The following COL24A1 variants were observed in gnomAD, a reference collection of about 807,000 sequenced individuals.
COL24A1 encodes collagen type XXIV alpha 1 chain.
Under a neutral mutation model 253.9 loss-of-function variants are expected in COL24A1, and 224 were observed. The observed-to-expected ratio is 0.88, with a 90% CI of 0.79 to 0.99. The LOEUF is 0.99. Ranked by LOEUF, COL24A1 falls within the 50% of genes least tolerant of loss-of-function variation. COL24A1 has a pLI of 0.00. For missense variants in COL24A1, 2,131 were observed against 2,068.5 expected, an observed-to-expected ratio of 1.03 and a Z score of -0.59; for synonymous variants, 685 against 673.7, an observed-to-expected ratio of 1.02 and a Z score of -0.26.
intron 37 of COL24A1, among the ~76,000 whole-genome samples, chr1:85,857,667 G>T (rs1678602104): frequency 6.6e-6 from 1 of 152,122 alleles, no homozygotes; most frequent in Non-Finnish European, 1.5e-5. Flanking sequence ...GAGTAAAAGA[G>T]AGAGGTCAAG....
chr1:85,895,983 A>C, intron 30 of COL24A1, 38 bp downstream of exon 30: 1 of 1,599,916 alleles, frequency 6.3e-7, no homozygotes, highest in Non-Finnish European at 8.5e-7. Context: ...AAAAGACTTA[A>C]AATGTTCATC....
chr1:86,051,815 T>C (rs1358444556), intron 10 of COL24A1, among the ~76,000 whole-genome samples: 2 of 152,122 alleles, frequency 1.3e-5, no homozygotes, highest in Non-Finnish European at 2.9e-5. Context: ...TAACCACTGA[T>C]AGAAATATGG....
intron 27 of COL24A1, among the ~76,000 whole-genome samples, chr1:85,908,308 C>T (rs1685035069): frequency 6.6e-6 from 1 of 151,678 alleles, no homozygotes; most frequent in Admixed American, 6.6e-5. Context: ...ATTGGTCTCA[C>T]TTCTAATCTT....
chr1:85,765,218 T>G (rs1004812008), intron 53 of COL24A1, among the ~76,000 whole-genome samples: 46 of 152,276 alleles, frequency 3.0e-4, no homozygotes, highest in Admixed American at 1.0e-3. Flanking sequence ...TCAAGAACTG[T>G]GAAGACATAT....
intron 48 of COL24A1, among the ~76,000 whole-genome samples, chr1:85,784,806 C>T (rs1054177159): frequency 2.0e-5 from 3 of 152,112 alleles, no homozygotes; most frequent in Non-Finnish European, 4.4e-5. Context: ...TCATGGCTTA[C>T]TGCAGCCTTA....
intron 59 of COL24A1, among the ~76,000 whole-genome samples, chr1:85,732,881 C>A (rs552633085): frequency 1.3e-5 from 2 of 152,186 alleles, no homozygotes; most frequent in East Asian, 3.9e-4. Context: ...ATATTATTAT[C>A]CCTATTATTA....
At chr1:85,817,591 T>A (rs2101935000) in intron 46 of COL24A1, among the ~76,000 whole-genome samples, 1 of 152,304 alleles carries the variant, frequency 6.6e-6, no homozygotes, top group South Asian at 2.1e-4. Context: ...TAAAAGTTAA[T>A]CTTTGTGATG....
rs775541179 is a variant in COL24A1 at position 85,842,374 on chromosome 1, C to T, written c.3482G>A (p.Gly1161Glu). Residue 1161 changes from glycine to glutamate, a missense_variant, in exon 40 of 60, where the codon GGA (glycine) becomes GAA (glutamate). Physicochemically the swap from Gly to Glu is moderately conservative, Grantham distance 98 (BLOSUM62 -2). Transcript: ENST00000370571. ...TGGAATTCCTGGTTCTCCATCAGGT[C>T]CCATCAATCCTAAATGTCCCTGAAA... ...RGAVGHLGLM[G>E]PDGEPGIPGY... is the part of the protein sequence containing the mutation. 8.7e-6 allele frequency: 14 copies of T among 1,600,644 alleles called. No homozygotes were observed. The highest frequency in any genetic ancestry group is 1.2e-5 in the Non-Finnish European group (14 of 1,172,564).
At chr1:85,981,547 A>C (rs1298904112) in intron 20 of COL24A1, among the ~76,000 whole-genome samples, 1 of 152,162 alleles carries the variant, frequency 6.6e-6, no homozygotes, top group African/African-American at 2.4e-5. Context: ...ATATTCTAGA[A>C]GATAACACTG....
chr1:85,762,290 T>C (rs954484115), intron 53 of COL24A1, among the ~76,000 whole-genome samples: 6 of 152,282 alleles, frequency 3.9e-5, no homozygotes, highest in East Asian at 1.9e-4. Flanking sequence ...TTGGATAATG[T>C]TGACACCATG....
At chr1:85,892,573 A>AT (rs1013727719) in intron 31 of COL24A1, among the ~76,000 whole-genome samples, 1 of 151,882 alleles carries the variant, frequency 6.6e-6, no homozygotes, top group Non-Finnish European at 1.5e-5. Flanking sequence ...AATGATAAAC[A>AT]TTTTTTCCCC....
intron 43 of COL24A1, among the ~76,000 whole-genome samples, chr1:85,836,174 C>G (rs1194285162): frequency 6.6e-6 from 1 of 152,114 alleles, no homozygotes; most frequent in Non-Finnish European, 1.5e-5. Context: ...TTCTTTGGAG[C>G]TTTATTTCTT....
At chr1:85,755,146 T>C (rs1039435248) in intron 55 of COL24A1, among the ~76,000 whole-genome samples, 4 of 152,138 alleles carry the variant, frequency 2.6e-5, no homozygotes, top group Non-Finnish European at 4.4e-5. Context: ...TAGGATAATA[T>C]ATTCAGGGTG....
rs972825506 is a variant in COL24A1, at chr1:85,743,187, G to A, written c.4672+1479C>T. Among the ~76,000 whole-genome samples the A allele has an allele frequency of 5.3e-5, 8 of 152,046 alleles. No homozygotes were observed. In the South Asian group the frequency reaches 8.3e-4, roughly 16 times the overall value. On this transcript the variant is annotated intron_variant, in intron 57 of 59. Transcript: ENST00000370571. ...GCTAGAGACTTCTGAGTAGTCTAGA[G>A]GGTCTTGTATAATTTGACTTTTTGA...
Position 85,970,248 on chromosome 1 carries a change from G to C in COL24A1, c.2442C>G (p.Ala814=). Residue 814 remains alanine, a synonymous_variant, in exon 22 of 60, where the codon GCC becomes GCG. Coordinates refer to ENST00000370571, the MANE Select transcript of COL24A1 (RefSeq NM_152890.7). ...GTQGEEGPIG[A]FGELGPRGKP... is the part of the protein sequence containing the mutation. ...CTACTCTTGGCCCCAGTTCCCCAAA[G>C]GCTCCAATTGGTCCTTCTTCTCCCT... 6.3e-7 allele frequency: 1 copy of C among 1,592,910 alleles called. No homozygotes were observed. Among genetic ancestry groups the C allele is most frequent in the Non-Finnish European group, 8.5e-7 (1 of 1,170,756 alleles).
intron 2 of COL24A1, among the ~76,000 whole-genome samples, chr1:86,135,364 T>G (rs1035396715): frequency 2.0e-5 from 3 of 152,154 alleles, no homozygotes; most frequent in African/African-American, 7.2e-5. Flanking sequence ...AGATTAATAT[T>G]GTTATGTATG....
At chr1:86,065,869 G>A (rs1240398661) in intron 7 of COL24A1, among the ~76,000 whole-genome samples, 1 of 152,070 alleles carries the variant, frequency 6.6e-6, no homozygotes, top group Admixed American at 6.6e-5. Context: ...CTTAACAGTG[G>A]GGGTAGGAGG....
rs2102591472 is a variant in COL24A1, at chr1:85,874,586, TAA to T, written c.3138+61_3138+62del. The T allele has an allele frequency of 2.1e-6, 3 of 1,437,502 alleles. No individual in the cohort carries two copies. The East Asian group carries it at 6.8e-5, about 33-fold the overall frequency. The allele number at this position is 1,437,502 out of a possible 1,614,324, so 89.0% of individuals were successfully genotyped here. On this transcript the variant is annotated intron_variant, in intron 35 of 59. Coordinates refer to ENST00000370571, the MANE Select transcript of COL24A1 (RefSeq NM_152890.7). ...CCAATTTTTTGAGTGTTTCGAATAA[TAA>T]GTTTTGAGCCTCTGAAAGAAGTGGG...
At chr1:85,737,316 A>T in intron 58 of COL24A1, 80 bp downstream of exon 58, 1 of 764,790 alleles carries the variant, frequency 1.3e-6, no homozygotes, top group African/African-American at 1.8e-5. Flanking sequence ...ATAATTATTT[A>T]AAATGATAGA....
Sources: gnomAD v4.1 joint callset for allele counts (sites outside exome capture counted in the v4.1 genomes callset) on GRCh38, gnomAD v4.1.1 for gene constraint, MANE v1.5 for transcripts, NCBI Gene and HGNC (gene_info 2026-07-23, HGNC 2026-07-21) for gene names.